EDIL3: variants seen among roughly 807,000 people sequenced by gnomAD.
EDIL3 encodes EGF like and discoidin domains 3, also known as EGF-like repeat and discoidin I-like domain-containing protein 3.
A neutral mutation model predicts 67.4 loss-of-function variants in EDIL3; 37 were observed. That is an observed-to-expected ratio of 0.55 (90% CI 0.42 to 0.72). EDIL3 has a LOEUF of 0.72. Ranked by LOEUF, EDIL3 falls within the 30% of genes least tolerant of loss-of-function variation. The pLI is 0.00. For missense variants in EDIL3, 527 were observed against 586.3 expected (o/e 0.90, Z 1.04); for synonymous variants, 195 against 196.3 (o/e 0.99, Z 0.05).
chr5:84,168,666 C>T (rs1309395266), intron 4 of EDIL3, among the ~76,000 whole-genome samples: 4 of 152,230 alleles, frequency 2.6e-5, no homozygotes, highest in Non-Finnish European at 1.5e-5. Flanking sequence ...TGATGCTGGT[C>T]GTAATTGACT....
At position 84,234,483 on chromosome 5, in the gene EDIL3, A is replaced by T. The variant is rs111958003; in HGVS notation, c.197-4599T>A. Among the ~76,000 whole-genome samples, 960 of 152,318 alleles carry T rather than the reference A, an allele frequency of 6.3e-3. 9 individuals carry two copies. Among genetic ancestry groups the T allele is most frequent in the African/African-American group, 0.021 (879 of 41,578 alleles). On this transcript the variant is annotated intron_variant, in intron 2 of 10. Transcript: ENST00000296591. ...TATTACCCTGATACAACACGATACT[A>T]TAACACTTAAGTTTATTCATTAGAC...
intron 9 of EDIL3, among the ~76,000 whole-genome samples, chr5:83,998,291 C>T (rs1334495980): frequency 1.3e-5 from 2 of 152,306 alleles, no homozygotes; most frequent in South Asian, 2.1e-4. Context: ...CTGATGCTCT[C>T]ATTTCAGGCC....
intron 1 of EDIL3, among the ~76,000 whole-genome samples, chr5:84,322,859 G>T (rs1008391125): frequency 1.3e-5 from 2 of 151,966 alleles, no homozygotes; most frequent in Admixed American, 1.3e-4. Context: ...CAATAAGATT[G>T]TCAGCAGATT....
At chr5:84,254,870 T>C (rs991776434) in intron 1 of EDIL3, among the ~76,000 whole-genome samples, 1 of 152,166 alleles carries the variant, frequency 6.6e-6, no homozygotes, top group Non-Finnish European at 1.5e-5. Context: ...TGGCCTTGGC[T>C]GTGGCAATGG....
At chr5:84,256,441 T>C (rs1477859121) in intron 1 of EDIL3, among the ~76,000 whole-genome samples, 1 of 152,108 alleles carries the variant, frequency 6.6e-6, no homozygotes, top group Non-Finnish European at 1.5e-5. Flanking sequence ...CTCAGTGCTA[T>C]CAGGTGATGA....
intron 10 of EDIL3, among the ~76,000 whole-genome samples, chr5:83,948,409 A>C (rs933293740): frequency 1.3e-5 from 2 of 151,710 alleles, no homozygotes; most frequent in Non-Finnish European, 2.9e-5. Context: ...AGTGATGTAA[A>C]GTCTTATGAA....
chr5:84,192,759 G>A (rs1015864128), intron 3 of EDIL3, among the ~76,000 whole-genome samples: 3 of 151,970 alleles, frequency 2.0e-5, no homozygotes, highest in African/African-American at 7.2e-5. Context: ...CAGTAAACGA[G>A]AGGACTGACT....
At chr5:84,011,358 A>G (rs1434629383) in intron 9 of EDIL3, among the ~76,000 whole-genome samples, 2 of 152,194 alleles carry the variant, frequency 1.3e-5, no homozygotes, top group Non-Finnish European at 2.9e-5. Context: ...TTTAAAATTT[A>G]TACTGACTGT....
At chr5:84,105,883 G>T (rs1337107384) in intron 6 of EDIL3, among the ~76,000 whole-genome samples, 2 of 152,078 alleles carry the variant, frequency 1.3e-5, no homozygotes, top group East Asian at 1.9e-4. Flanking sequence ...GATAATTAAT[G>T]AATTCTTCCT....
intron 1 of EDIL3, among the ~76,000 whole-genome samples, chr5:84,377,439 A>G (rs1747991787): frequency 6.6e-6 from 1 of 152,100 alleles, no homozygotes; most frequent in African/African-American, 2.4e-5. Flanking sequence ...ATATTCTCCA[A>G]TGTTTCCACT....
chr5:84,080,180 C>CA (rs1272300693), intron 6 of EDIL3, among the ~76,000 whole-genome samples: 2 of 143,706 alleles, frequency 1.4e-5, no homozygotes, highest in East Asian at 4.1e-4. Context: ...CCTGTAGTCC[C>CA]AGCTACTCGG....
intron 9 of EDIL3, among the ~76,000 whole-genome samples, chr5:84,007,125 A>G (rs993158698): frequency 2.6e-5 from 4 of 152,190 alleles, no homozygotes; most frequent in African/African-American, 9.6e-5. Context: ...GCCATCTACA[A>G]AAATAAAATC....
chr5:84,169,595 A>G (rs1425025904), intron 4 of EDIL3, among the ~76,000 whole-genome samples: 14 of 150,600 alleles, frequency 9.3e-5, no homozygotes, highest in Non-Finnish European at 7.4e-5. Context: ...CCATTTCTAA[A>G]ACTTTGTCAT....
chr5:84,176,196 A>AT (rs1748902250), intron 4 of EDIL3, among the ~76,000 whole-genome samples: 1 of 28,928 alleles, frequency 3.5e-5, no homozygotes, highest in African/African-American at 1.8e-4. Flanking sequence ...ATATATATAT[A>AT]TAATATATAT....
At chr5:84,176,896 T>C (rs1748927861) in intron 4 of EDIL3, among the ~76,000 whole-genome samples, 1 of 152,060 alleles carries the variant, frequency 6.6e-6, no homozygotes, top group African/African-American at 2.4e-5. Context: ...CTCATGCTAC[T>C]TTCATTACCA....
At position 84,144,075 on chromosome 5, in the gene EDIL3, T is replaced by A. The variant is rs550208126; in HGVS notation, c.356-6721A>T. On this transcript the variant is annotated intron_variant, in intron 4 of 10. Coordinates refer to ENST00000296591, the MANE Select transcript of EDIL3 (RefSeq NM_005711.5). Reference sequence around the variant, plus strand: ...TTAAAGCATATCAATGCACAAGTCATGCACTTAGAGATTGTGACTTAAATG... The same window carrying A: ...TTAAAGCATATCAATGCACAAGTCAAGCACTTAGAGATTGTGACTTAAATG... Among the ~76,000 whole-genome samples, 327 of 152,216 alleles carry A rather than the reference T, an allele frequency of 2.1e-3. 3 individuals carry two copies. The highest frequency in any genetic ancestry group is 3.9e-3 in the Non-Finnish European group (267 of 67,982).
intron 10 of EDIL3, among the ~76,000 whole-genome samples, chr5:83,954,469 A>T (rs1258528386): frequency 6.6e-6 from 1 of 151,554 alleles, no homozygotes; most frequent in Non-Finnish European, 1.5e-5. Flanking sequence ...GTTGTTAAAA[A>T]ATAATGTGTC....
In EDIL3 at chr5:83,952,526, T is replaced by C. The variant is rs182994926; in HGVS notation, c.1294-8958A>G. On this transcript the variant is annotated intron_variant, in intron 10 of 10. Coordinates refer to ENST00000296591, the MANE Select transcript of EDIL3 (RefSeq NM_005711.5). ...AAACCATCTGCTTTTCAAAGACATC[T>C]CCAGGAGATATTACCAGGAATAGTT... Among the ~76,000 whole-genome samples the C allele has an allele frequency of 4.4e-3, 673 of 151,936 alleles. 5 individuals carry two copies. The highest frequency in any genetic ancestry group is 6.8e-3 in the Middle Eastern group (2 of 294).
At chr5:84,072,859 G>A (rs900189776) in intron 6 of EDIL3, among the ~76,000 whole-genome samples, 1 of 152,114 alleles carries the variant, frequency 6.6e-6, no homozygotes, top group Non-Finnish European at 1.5e-5. Context: ...GGATGGTGGA[G>A]GGAGAGAGAG....
Sources: gnomAD v4.1 joint callset for allele counts (sites outside exome capture counted in the v4.1 genomes callset) on GRCh38, gnomAD v4.1.1 for gene constraint, MANE v1.5 for transcripts, NCBI Gene and HGNC (gene_info 2026-07-23, HGNC 2026-07-21) for gene names.